NXPE3: variants seen among roughly 807,000 people sequenced by gnomAD.
NXPE3 encodes neurexophilin and PC-esterase domain family member 3.
In NXPE3, 26 loss-of-function variants were observed where a neutral mutation model predicts 46.1. The ratio of observed to expected loss-of-function variants is 0.56; its 90% CI spans 0.41 to 0.78. The LOEUF is 0.78. Ranked by LOEUF, NXPE3 falls within the 30% of genes least tolerant of loss-of-function variation. The probability of loss-of-function intolerance (pLI) is 0.00; values close to 1 mark genes in which losing one functional copy is unlikely to be tolerated. For synonymous variants in NXPE3, 272 were observed against 257.9 expected (o/e 1.05, Z -0.52); for missense variants, 620 against 686.0 (o/e 0.90, Z 1.07).
chr3:101,791,290 G>T (rs1274476171), intron 4 of NXPE3, among the ~76,000 whole-genome samples: 1 of 152,088 alleles, frequency 6.6e-6, no homozygotes, highest in African/African-American at 2.4e-5. Context: ...CATTCTTATG[G>T]CTGCATAGTA....
intron 7 of NXPE3, among the ~76,000 whole-genome samples, chr3:101,820,683 A>C (rs1051930662): frequency 2.0e-5 from 3 of 152,246 alleles, no homozygotes; most frequent in Admixed American, 2.0e-4. Flanking sequence ...GTACCATGGA[A>C]TACTATGCAG....
At chr3:101,803,620 G>T (rs551714630) in intron 5 of NXPE3, among the ~76,000 whole-genome samples, 8 of 152,260 alleles carry the variant, frequency 5.3e-5, no homozygotes, top group South Asian at 2.1e-4. Context: ...TTAGAGGGTT[G>T]GTTTGTTTGT....
At chr3:101,820,137 A>G (rs1218167989) in intron 7 of NXPE3, among the ~76,000 whole-genome samples, 2 of 152,234 alleles carry the variant, frequency 1.3e-5, no homozygotes, top group African/African-American at 4.8e-5. Context: ...GTTAAAGCCC[A>G]TGTCTTGAGA....
chr3:101,817,939 G>T (rs550862244), intron 7 of NXPE3, among the ~76,000 whole-genome samples: 2 of 152,136 alleles, frequency 1.3e-5, no homozygotes, highest in African/African-American at 4.8e-5. Flanking sequence ...CACCCAGGCT[G>T]GAGTGCAATG....
At chr3:101,812,835 A>AAAAG (rs1941783912) in intron 6 of NXPE3, among the ~76,000 whole-genome samples, 6 of 142,512 alleles carry the variant, frequency 4.2e-5, no homozygotes, top group Non-Finnish European at 9.4e-5. Flanking sequence ...AAAAAAAAAA[A>AAAAG]AAAAAAAGAT....
At chr3:101,786,045 A>G (rs1475466685) in intron 4 of NXPE3, among the ~76,000 whole-genome samples, 1 of 152,214 alleles carries the variant, frequency 6.6e-6, no homozygotes, top group East Asian at 1.9e-4. Flanking sequence ...GTGATGAAGG[A>G]AAAACCTCTT....
chr3:101,796,640 G>A lies in NXPE3; in HGVS notation c.94-4595G>A, dbSNP rs962592110. Among the ~76,000 whole-genome samples, 5 of 152,258 alleles carry A rather than the reference G, an allele frequency of 3.3e-5. No homozygotes were observed. The East Asian group carries it at 9.6e-4, about 29-fold the overall frequency. On this transcript the variant is annotated intron_variant, in intron 4 of 7. Coordinates refer to ENST00000273347, the MANE Select transcript of NXPE3 (RefSeq NM_145037.4). ...AAAGGTAATCAGTAAGTTAATAAAG[G>A]GAATTTTTCAAAGTCAGTTTTGTTT...
intron 4 of NXPE3, among the ~76,000 whole-genome samples, chr3:101,792,894 G>T (rs566870322): frequency 1.5e-4 from 23 of 152,288 alleles, no homozygotes; most frequent in African/African-American, 5.1e-4. Context: ...TCTTATTAAT[G>T]AGCATGGAAT....
chr3:101,798,575 T>C (rs1940966183), intron 4 of NXPE3, among the ~76,000 whole-genome samples: 1 of 139,316 alleles, frequency 7.2e-6, no homozygotes, highest in South Asian at 2.2e-4. Flanking sequence ...ATAATGTATA[T>C]ATATGTGTGT....
In NXPE3 at chr3:101,798,604, T is replaced by TATA. The variant is rs201050841; in HGVS notation, c.94-2631_94-2630insATA. Among the ~76,000 whole-genome samples the TATA allele has an allele frequency of 9.0e-3, 1,096 of 121,368 alleles. 7 individuals are homozygous for TATA. The highest frequency in any genetic ancestry group is 0.027 in the African/African-American group (835 of 31,324). The allele number at this position is 121,368 out of a possible 152,430, so 79.6% of individuals were successfully genotyped here. A position where few individuals can be genotyped will look rare whatever the true frequency, so the allele number is the denominator to read the frequency against. On this transcript the variant is annotated intron_variant, in intron 4 of 7. Coordinates refer to ENST00000273347, the MANE Select transcript of NXPE3 (RefSeq NM_145037.4). ...TGTGTGTCTATATATATATATATAT[T>TATA]TTTTTTTTTTTTCTTTTAAAGTTTT... is the stretch of plus-strand genomic sequence containing the variant.
chr3:101,819,885 C>T (rs1016848602), intron 7 of NXPE3, among the ~76,000 whole-genome samples: 1 of 152,118 alleles, frequency 6.6e-6, no homozygotes, highest in Non-Finnish European at 1.5e-5. Context: ...TAATATTTCC[C>T]CATTGCACCT....
chr3:101,791,396 T>C (rs1387645213), intron 4 of NXPE3, among the ~76,000 whole-genome samples: 1 of 152,230 alleles, frequency 6.6e-6, no homozygotes, highest in Non-Finnish European at 1.5e-5. Flanking sequence ...ATTTATTTAT[T>C]TATTTTTGGG....
chr3:101,810,882 G>T (rs1266620710), intron 6 of NXPE3, among the ~76,000 whole-genome samples: 1 of 151,936 alleles, frequency 6.6e-6, no homozygotes, highest in Non-Finnish European at 1.5e-5. Context: ...AGGCTGGAGT[G>T]CAGTGGTGCG....
chr3:101,789,995 A>G (rs1029087227), intron 4 of NXPE3, among the ~76,000 whole-genome samples: 2 of 152,146 alleles, frequency 1.3e-5, no homozygotes, highest in African/African-American at 4.8e-5. Flanking sequence ...CCAGCCCCAT[A>G]TATTATTTAG....
chr3:101,787,762 A>G (rs1940278809), intron 4 of NXPE3, among the ~76,000 whole-genome samples: 1 of 152,220 alleles, frequency 6.6e-6, no homozygotes, highest in Admixed American at 6.5e-5. Flanking sequence ...CTTAAAAAGG[A>G]AGGAAATTCC....
rs1942004950 is a variant in NXPE3, at chr3:101,817,011, G to A, written c.1129+10G>A. 6.2e-7 allele frequency: 1 copy of A among 1,612,054 alleles called. No homozygotes were observed. Among genetic ancestry groups the A allele is most frequent in the Non-Finnish European group, 8.5e-7 (1 of 1,178,272 alleles). On this transcript the variant is annotated intron_variant, in intron 7 of 7. Coordinates refer to ENST00000273347, the MANE Select transcript of NXPE3 (RefSeq NM_145037.4). ...ACTACATTTGTTCCAGGTTGGTACTGTGCCTTTTGTTTCGTAACTCTTTCC... is the reference window on the plus strand; with the variant it reads ...ACTACATTTGTTCCAGGTTGGTACTATGCCTTTTGTTTCGTAACTCTTTCC...
chr3:101,784,840 G>A (rs1176441318), intron 3 of NXPE3, among the ~76,000 whole-genome samples: 1 of 152,114 alleles, frequency 6.6e-6, no homozygotes, highest in Non-Finnish European at 1.5e-5. Flanking sequence ...AGCTGAGGGA[G>A]CATCAGGACC....
intron 7 of NXPE3, 54 bp from the exon 8 acceptor site, chr3:101,821,350 A>G (rs1942238618): frequency 6.6e-7 from 1 of 1,515,768 alleles, no homozygotes; most frequent in Non-Finnish European, 9.1e-7. Flanking sequence ...GTATAATCAA[A>G]ATATATGTGC....
At chr3:101,790,750 G>A (rs1206854174) in intron 4 of NXPE3, among the ~76,000 whole-genome samples, 2 of 151,826 alleles carry the variant, frequency 1.3e-5, no homozygotes, top group Admixed American at 6.6e-5. Flanking sequence ...GCGCCACCAC[G>A]TCTGGCTAAT....
Sources: allele counts gnomAD v4.1 joint callset (sites outside exome capture counted in the v4.1 genomes callset), GRCh38; gene constraint gnomAD v4.1.1; transcripts MANE v1.5; gene names NCBI Gene and HGNC (gene_info 2026-07-23, HGNC 2026-07-21).